The following DCC variants were observed in gnomAD, a reference collection of about 807,000 sequenced individuals.
DCC encodes the protein netrin receptor DCC.
Under a neutral mutation model 172.5 loss-of-function variants are expected in DCC, and 58 were observed. The ratio of observed to expected loss-of-function variants is 0.34; its 90% CI spans 0.27 to 0.42. The LOEUF is 0.42. DCC is among the 10% of genes least tolerant of loss of function. The pLI, the probability that DCC is intolerant of heterozygous loss-of-function variation, is 1.00. For synonymous variants in DCC, 709 were observed against 644.5 expected, an observed-to-expected ratio of 1.10 and a Z score of -1.52; for missense variants, 1,740 against 1,791.0, an observed-to-expected ratio of 0.97 and a Z score of 0.51.
At chr18:52,596,990 G>T (rs2033921927) in intron 1 of DCC, among the ~76,000 whole-genome samples, 1 of 152,052 alleles carries the variant, frequency 6.6e-6, no homozygotes, top group Non-Finnish European at 1.5e-5. Context: ...AATCTCCCAG[G>T]CCTTCCTTTG....
At chr18:53,383,551 T>C (rs1907923987) in intron 15 of DCC, among the ~76,000 whole-genome samples, 1 of 148,058 alleles carries the variant, frequency 6.8e-6, no homozygotes, top group African/African-American at 2.5e-5. Flanking sequence ...TCAGGTTCAT[T>C]TGGCATGTTT....
At chr18:53,287,552 G>A (rs1858417954) in intron 12 of DCC, among the ~76,000 whole-genome samples, 1 of 152,076 alleles carries the variant, frequency 6.6e-6, no homozygotes, top group African/African-American at 2.4e-5. Context: ...AACCTTTTGA[G>A]GAACTGCTAA....
intron 8 of DCC, among the ~76,000 whole-genome samples, chr18:53,166,427 G>A (rs747522842): frequency 1.3e-4 from 20 of 152,066 alleles, no homozygotes; most frequent in Admixed American, 7.9e-4. Flanking sequence ...GTGGATGCTC[G>A]CTACAGCTAG....
intron 12 of DCC, among the ~76,000 whole-genome samples, chr18:53,294,012 C>A (rs1356476022): frequency 6.6e-6 from 1 of 152,104 alleles, no homozygotes; most frequent in East Asian, 1.9e-4. Context: ...TGTGCTCCTA[C>A]AATGAAGCGG....
chr18:52,846,255 G>A (rs1270269233), intron 2 of DCC, among the ~76,000 whole-genome samples: 2 of 152,010 alleles, frequency 1.3e-5, no homozygotes, highest in Non-Finnish European at 2.9e-5. Context: ...AAGGAATTCA[G>A]CTTCAGCCAG....
At position 52,798,932 on chromosome 18, in the gene DCC, A is replaced by G. The variant is rs1242135178; in HGVS notation, c.412+46558A>G. On this transcript the variant is annotated intron_variant, in intron 2 of 28. Transcript: ENST00000442544. The stretch of plus-strand genomic sequence containing the variant: ...CCAGCTAATTCTTTATATTTTTAGT[A>G]GAGATGAGGTTTCACTATGTTGGCC... Among the ~76,000 whole-genome samples the G allele has an allele frequency of 3.3e-5, 5 of 152,016 alleles. No individual in the cohort carries two copies. In the East Asian group the frequency reaches 9.7e-4, roughly 29 times the overall value.
Position 53,205,397 on chromosome 18 carries a change from C to A in DCC, c.1722+33C>A, listed in dbSNP as rs368281037. 1.9e-6 allele frequency: 3 copies of A among 1,609,106 alleles called. No individual in the cohort carries two copies. The South Asian group carries it at 3.3e-5, about 18-fold the overall frequency. ...AAGGAATGGACCACACTGCTTCCAT[C>A]TGTTGGATGTTTCCATCCATTGGAT... On this transcript the variant is annotated intron_variant, in intron 10 of 28. Transcript: ENST00000442544.
intron 1 of DCC, among the ~76,000 whole-genome samples, chr18:52,655,936 G>T (rs977657327): frequency 1.3e-5 from 2 of 149,450 alleles, no homozygotes; most frequent in Admixed American, 1.3e-4. Flanking sequence ...CCCCCCGCCT[G>T]CCCTCTCCAT....
chr18:52,891,034 G>T (rs2039642240), intron 2 of DCC, among the ~76,000 whole-genome samples: 1 of 152,022 alleles, frequency 6.6e-6, no homozygotes, highest in African/African-American at 2.4e-5. Flanking sequence ...AGTGTAAATG[G>T]TGTAAAATTA....
chr18:53,022,236 ATATTCT>A (rs1435738022), intron 5 of DCC, among the ~76,000 whole-genome samples: 6 of 152,138 alleles, frequency 3.9e-5, no homozygotes, highest in African/African-American at 1.2e-4. Flanking sequence ...CTCAAATTAG[ATATTCT>A]TATTTTAAGA....
At chr18:53,210,426 C>A (rs1205269459) in intron 11 of DCC, among the ~76,000 whole-genome samples, 5 of 152,138 alleles carry the variant, frequency 3.3e-5, no homozygotes, top group African/African-American at 9.7e-5. Flanking sequence ...GTTTAATAAA[C>A]ATTATCTCTA....
chr18:52,876,464 A>T (rs961229772), intron 2 of DCC, among the ~76,000 whole-genome samples: 3 of 152,228 alleles, frequency 2.0e-5, no homozygotes, highest in African/African-American at 7.2e-5. Flanking sequence ...ACATCATTCA[A>T]CTATTGTATT....
chr18:52,579,175 G>T (rs1279251384), intron 1 of DCC, among the ~76,000 whole-genome samples: 1 of 152,174 alleles, frequency 6.6e-6, no homozygotes, highest in Non-Finnish European at 1.5e-5. Flanking sequence ...TAAAGTAGTT[G>T]TAATCATTTT....
rs550935686 is a variant in DCC, at chr18:53,194,280, A to G, written c.1574-10936A>G. ...TTGGGAGTCTTCTAAAGAATTAAAC[A>G]TCAATTTATGGTTTGTAGAGTATGG... On this transcript the variant is annotated intron_variant, in intron 9 of 28. Transcript: ENST00000442544. 1.8e-4 allele frequency among the ~76,000 whole-genome samples: 27 copies of G among 152,258 alleles called. No individual in the cohort carries two copies. In the South Asian group the frequency reaches 5.6e-3, roughly 32 times the overall value.
intron 2 of DCC, among the ~76,000 whole-genome samples, chr18:52,899,481 G>T (rs557879282): frequency 2.0e-5 from 3 of 150,314 alleles, no homozygotes; most frequent in African/African-American, 7.3e-5. Context: ...AGCCTCCCAA[G>T]TAGCTGGGGT....
chr18:52,766,512 C>A (rs1174151871), intron 2 of DCC, among the ~76,000 whole-genome samples: 1 of 151,562 alleles, frequency 6.6e-6, no homozygotes, highest in Non-Finnish European at 1.5e-5. Flanking sequence ...GATTTTATTG[C>A]CGATGAAAGT....
intron 2 of DCC, among the ~76,000 whole-genome samples, chr18:52,790,768 C>A (rs1215706463): frequency 6.6e-6 from 1 of 152,150 alleles, no homozygotes; most frequent in African/African-American, 2.4e-5. Flanking sequence ...CTCCAAAATT[C>A]TCTGCTGCCT....
At chr18:53,348,708 C>G (rs1269716091) in intron 15 of DCC, among the ~76,000 whole-genome samples, 1 of 152,186 alleles carries the variant, frequency 6.6e-6, no homozygotes, top group African/African-American at 2.4e-5. Context: ...AGGCTCAACA[C>G]TACATGGAAG....
chr18:52,420,443 A>G (rs1987209022), intron 1 of DCC, among the ~76,000 whole-genome samples: 1 of 152,194 alleles, frequency 6.6e-6, no homozygotes, highest in African/African-American at 2.4e-5. Flanking sequence ...CTCCTACACC[A>G]GAATACCACA....
Sources: gnomAD v4.1 joint callset for allele counts (sites outside exome capture counted in the v4.1 genomes callset) on GRCh38, gnomAD v4.1.1 for gene constraint, MANE v1.5 for transcripts, NCBI Gene and HGNC (gene_info 2026-07-23, HGNC 2026-07-21) for gene names.